The following IRAG1 variants were observed in gnomAD, a reference collection of about 807,000 sequenced individuals.
IRAG1 encodes the protein IP3R-associated cGMP kinase substrate.
A neutral mutation model predicts 106.2 loss-of-function variants in IRAG1; 62 were observed. That is an observed-to-expected ratio of 0.58 (90% CI 0.48 to 0.72). The LOEUF (loss-of-function observed/expected upper bound fraction) is 0.72, where lower values mean the gene tolerates loss of function less well. Ranked by LOEUF, IRAG1 falls within the 30% of genes least tolerant of loss-of-function variation. The pLI, the probability that IRAG1 is intolerant of heterozygous loss-of-function variation, is 0.00. For missense variants in IRAG1, 1,064 were observed against 1,140.7 expected (o/e 0.93, Z 0.97); for synonymous variants, 462 against 443.9 (o/e 1.04, Z -0.51).
At position 10,626,109 on chromosome 11, in the gene IRAG1, C is replaced by T. The variant is rs1033566215; in HGVS notation, c.1225G>A (p.Val409Met). 1.3e-6 allele frequency: 2 copies of T among 1,546,806 alleles called. No individual in the cohort carries two copies. The highest frequency in any genetic ancestry group is 1.7e-6 in the Non-Finnish European group (2 of 1,146,100). ...TCTGCCAGTGGCAGCTTGGCAAGCA[C>T]TTTCTGCAGCCGGGGGCCAGGTTCT... ...PEEPGPRLQKVLAKLPLAEEE... is the reference protein window; with the variant it reads ...PEEPGPRLQKMLAKLPLAEEE... Residue 409 changes from valine to methionine, a missense_variant, in exon 9 of 21, where the codon GTG (valine) becomes ATG (methionine). Transcript: ENST00000423302.
At chr11:10,634,306 C>T (rs2134675447) in intron 2 of IRAG1, among the ~76,000 whole-genome samples, 1 of 152,284 alleles carries the variant, frequency 6.6e-6, no homozygotes, top group Non-Finnish European at 1.5e-5. Flanking sequence ...TGTTTTGATA[C>T]AATGTGACAT....
At position 10,693,573 on chromosome 11, in the gene IRAG1, C is replaced by A. The variant is rs1480044004; in HGVS notation, c.30G>T (p.Arg10Ser). ...TATTCTCCTTTCCTCCTCTGGCCAG[C>A]CTCTCTTCACTCTGGGGAGCTTTTA... MVKAPQSEE[R>S]LARGGKENNS... The change falls in exon 1 of 21, where the codon AGG becomes AGT. Residue 10 changes from arginine (R) to serine (S), a missense_variant. Physicochemically the swap from Arg to Ser is moderately radical, Grantham distance 110 (BLOSUM62 -1). Coordinates refer to ENST00000423302, the MANE Select transcript of IRAG1 (RefSeq NM_130385.4). 4 of 1,535,546 alleles carry A rather than the reference C, an allele frequency of 2.6e-6. No individual in the cohort carries two copies. The South Asian group carries it at 3.6e-5, about 14-fold the overall frequency.
chr11:10,693,417 C>T, intron 1 of IRAG1, 119 bp downstream of exon 1: 1 of 1,462,532 alleles, frequency 6.8e-7, no homozygotes, highest in Non-Finnish European at 9.0e-7. Flanking sequence ...AAGCCAGCTC[C>T]CCTGGAAAGT....
chr11:10,690,489 G>C (rs910470518), intron 1 of IRAG1: 2 of 1,213,284 alleles, frequency 1.6e-6, no homozygotes, highest in African/African-American at 1.6e-5. Flanking sequence ...AGTTACCTCT[G>C]CTAAGACTCT....
At chr11:10,664,150 G>A (rs1012389217) in intron 1 of IRAG1, among the ~76,000 whole-genome samples, 16 of 152,260 alleles carry the variant, frequency 1.1e-4, no homozygotes, top group Middle Eastern at 6.8e-3. Context: ...CAGCCGAGAC[G>A]CAGCCCCTCT....
intron 1 of IRAG1, among the ~76,000 whole-genome samples, chr11:10,690,563 A>T (rs1157542635): frequency 6.6e-6 from 1 of 152,124 alleles, no homozygotes. Flanking sequence ...TCTAGCCTCC[A>T]AGGTCCACAG....
At chr11:10,580,229 C>T (rs1347934451) in intron 20 of IRAG1, among the ~76,000 whole-genome samples, 1 of 152,226 alleles carries the variant, frequency 6.6e-6, no homozygotes, top group African/African-American at 2.4e-5. Flanking sequence ...TGCCCCTGAC[C>T]TCTCAAGCTC....
At chr11:10,668,086 G>T (rs991577644) in intron 1 of IRAG1, among the ~76,000 whole-genome samples, 3 of 152,164 alleles carry the variant, frequency 2.0e-5, no homozygotes, top group African/African-American at 7.2e-5. Flanking sequence ...CACTCCCTCT[G>T]CCTAGAAGGC....
At chr11:10,596,968 T>C (rs75803303) in intron 15 of IRAG1, among the ~76,000 whole-genome samples, 3,546 of 152,338 alleles carry the variant, frequency 0.023, 150 homozygotes, top group African/African-American at 0.081. Context: ...AGCCTAATAC[T>C]GGCCTTCTAC....
chr11:10,693,172 T>A (rs1862194719), intron 1 of IRAG1, among the ~76,000 whole-genome samples: 1 of 152,148 alleles, frequency 6.6e-6, no homozygotes, highest in Non-Finnish European at 1.5e-5. Context: ...GAGAAAGCTC[T>A]GCTTAGCAGA....
chr11:10,692,009 A>G (rs1334142286), intron 1 of IRAG1, among the ~76,000 whole-genome samples: 1 of 152,200 alleles, frequency 6.6e-6, no homozygotes, highest in Non-Finnish European at 1.5e-5. Context: ...ACATAGTAAG[A>G]ACCATGTGTT....
intron 1 of IRAG1, among the ~76,000 whole-genome samples, chr11:10,680,344 GGAAA>G (rs750310566): frequency 0.041 from 2,811 of 67,842 alleles, 86 homozygotes; most frequent in Middle Eastern, 0.065. Flanking sequence ...AAGGAAGGAA[GGAAA>G]GAAAGAAAGA....
rs1334738333 is a variant in IRAG1 at position 10,626,117 on chromosome 11, A to G, written c.1217T>C (p.Leu406Pro). The change falls in exon 9 of 21, where the codon CTG becomes CCG. Residue 406 changes from leucine to proline, a missense_variant. By Grantham distance (98) the Leu-to-Pro change is moderately conservative. Coordinates refer to ENST00000423302, the MANE Select transcript of IRAG1 (RefSeq NM_130385.4). ...TGGCAGCTTGGCAAGCACTTTCTGC[A>G]GCCGGGGGCCAGGTTCTTCAGGGCC... ...DSGPEEPGPR[L>P]QKVLAKLPLA... is the part of the protein sequence containing the mutation. The G allele has an allele frequency of 1.9e-6, 3 of 1,545,218 alleles. No individual in the cohort carries two copies. Among genetic ancestry groups the G allele is most frequent in the Admixed American group, 4.2e-5 (2 of 48,130 alleles).
At position 10,684,891 on chromosome 11, in the gene IRAG1, A is replaced by G. The variant is rs113161269; in HGVS notation, c.67+8645T>C. Among the ~76,000 whole-genome samples the G allele has an allele frequency of 4.7e-3, 714 of 152,296 alleles. 1 individual carries two copies. Among genetic ancestry groups the G allele is most frequent in the African/African-American group, 0.017 (693 of 41,570 alleles). On this transcript the variant is annotated intron_variant, in intron 1 of 20. Transcript: ENST00000423302. ...CTGGGACAGACTATGTGAATATCAC[A>G]TAATAACTACCATTTTATAGAGCAT...
chr11:10,639,886 G>A (rs1857398599), intron 2 of IRAG1, among the ~76,000 whole-genome samples: 1 of 152,090 alleles, frequency 6.6e-6, no homozygotes, highest in Non-Finnish European at 1.5e-5. Context: ...AAAGGGATGT[G>A]GTCTGTGAAC....
At chr11:10,601,163 A>T in intron 14 of IRAG1, 104 bp from the exon 15 acceptor site, 1 of 1,482,564 alleles carries the variant, frequency 6.7e-7, no homozygotes, top group Non-Finnish European at 9.1e-7. Flanking sequence ...TCAAAAGGAT[A>T]CAGGGACAAG....
intron 20 of IRAG1, among the ~76,000 whole-genome samples, chr11:10,579,864 A>T (rs1392764050): frequency 6.6e-6 from 1 of 152,194 alleles, no homozygotes; most frequent in Non-Finnish European, 1.5e-5. Context: ...AACTTAGGGG[A>T]AAGTACCTTT....
chr11:10,608,386 C>T (rs892981403), intron 11 of IRAG1, among the ~76,000 whole-genome samples: 5 of 151,970 alleles, frequency 3.3e-5, no homozygotes, highest in African/African-American at 1.2e-4. Context: ...TGCCTTGAGC[C>T]TACAAAGTGC....
Position 10,665,084 on chromosome 11 carries a change from T to C in IRAG1, c.68-12902A>G, listed in dbSNP as rs1031469731. Among the ~76,000 whole-genome samples the C allele has an allele frequency of 2.0e-5, 3 of 152,196 alleles. No individual in the cohort carries two copies. Among genetic ancestry groups the C allele is most frequent in the Non-Finnish European group, 2.9e-5 (2 of 68,040 alleles). On this transcript the variant is annotated intron_variant, in intron 1 of 20. Transcript: ENST00000423302. The surrounding 1 kb of genome is among the most constrained non-coding windows in gnomAD (Gnocchi z 4.2). ...TTTATAATGCTGCCTGTGGGGACTT[T>C]CTTGGCACCAAGTCTTCTCTCACCT... is the stretch of plus-strand genomic sequence containing the variant.
Sources: gnomAD v4.1 joint callset for allele counts (sites outside exome capture counted in the v4.1 genomes callset) on GRCh38, gnomAD v4.1.1 for gene constraint, Gnocchi (gnomAD v3.1) non-coding constraint, MANE v1.5 for transcripts, NCBI Gene and HGNC (gene_info 2026-07-23, HGNC 2026-07-21) for gene names.